SYNJ2BP: variants seen among roughly 807,000 people sequenced by gnomAD.
SYNJ2BP encodes the protein synaptojanin-2-binding protein.
SYNJ2BP carries 10 observed loss-of-function variants against 16.9 expected under a neutral mutation model. The ratio of observed to expected loss-of-function variants is 0.59; its 90% CI spans 0.36 to 1.00. SYNJ2BP has a LOEUF of 1.00. Ranked by LOEUF, SYNJ2BP falls within the 50% of genes least tolerant of loss-of-function variation. SYNJ2BP has a pLI of 0.01. For synonymous variants in SYNJ2BP, 54 were observed against 68.4 expected (o/e 0.79, Z 1.04); for missense variants, 162 against 186.7 (o/e 0.87, Z 0.77).
chr14:70,387,105 C>G (rs948781719), intron 2 of SYNJ2BP, among the ~76,000 whole-genome samples: 1 of 152,096 alleles, frequency 6.6e-6, no homozygotes, highest in Non-Finnish European at 1.5e-5. Flanking sequence ...TTAAGTCTAG[C>G]CCTTTGAAGC....
At chr14:70,373,277 T>G in intron 3 of SYNJ2BP, 146 bp from the exon 4 acceptor site, 2 of 1,088,248 alleles carry the variant, frequency 1.8e-6, no homozygotes, top group Non-Finnish European at 1.3e-6. Context: ...GAGTCCTCTC[T>G]TTGTCCTGAG....
chr14:70,407,544 AT>A (rs892005890), intron 1 of SYNJ2BP, among the ~76,000 whole-genome samples: 8 of 145,500 alleles, frequency 5.5e-5, no homozygotes, highest in South Asian at 2.2e-4. Context: ...CAAAAAAAAA[AT>A]TTGTTATAGT....
At position 70,368,115 on chromosome 14, in the gene SYNJ2BP, A is replaced by T. The variant is rs1030572965; in HGVS notation, c.*4876T>A. 6.6e-6 allele frequency: 1 copy of T among 152,144 alleles called. No homozygotes were observed. Among genetic ancestry groups the T allele is most frequent in the Non-Finnish European group, 1.5e-5 (1 of 68,026 alleles). The allele number at this position is 152,144 out of a possible 1,614,324, so 9.4% of individuals were successfully genotyped here. A position where few individuals can be genotyped will look rare whatever the true frequency, so the allele number is the denominator to read the frequency against. On this transcript the variant is annotated 3_prime_UTR_variant, in exon 4 of 4. Coordinates refer to ENST00000256366, the MANE Select transcript of SYNJ2BP (RefSeq NM_018373.3). Reference sequence around the variant, plus strand: ...TTCATTTCTTTAAATATACTTTAAAAATTGCTTATTTACACAATAAAAACA... The same window carrying T: ...TTCATTTCTTTAAATATACTTTAAATATTGCTTATTTACACAATAAAAACA...
At chr14:70,381,649 T>C (rs1887752492) in intron 2 of SYNJ2BP, among the ~76,000 whole-genome samples, 1 of 152,212 alleles carries the variant, frequency 6.6e-6, no homozygotes, top group Admixed American at 6.5e-5. Flanking sequence ...GTTCTCAAAG[T>C]GTGGTCCCAC....
rs71448320 is a variant in SYNJ2BP, at chr14:70,367,561, CAAAAAAAAAAAAAAAAAAA to C, written c.*5411_*5429del. ...TAGGCGACAGAGCAAGACTCCGTCT[CAAAAAAAAAAAAAAAAAAA>C]AAAAAAAGAAAAGAAAAGAATCTGG... is the stretch of plus-strand genomic sequence containing the variant. On this transcript the variant is annotated 3_prime_UTR_variant, in exon 4 of 4. Transcript: ENST00000256366. 2 of 36,950 alleles carry C rather than the reference CAAAAAAAAAAAAAAAAAAA, an allele frequency of 5.4e-5. No individual in the cohort carries two copies. The highest frequency in any genetic ancestry group is 1.3e-3 in the South Asian group (1 of 756). 2.3% of individuals were successfully genotyped at this position (36,950 alleles called of 1,614,324 possible).
intron 2 of SYNJ2BP, among the ~76,000 whole-genome samples, chr14:70,382,080 C>CA (rs1213449915): frequency 1.3e-5 from 2 of 151,864 alleles, no homozygotes; most frequent in Admixed American, 6.6e-5. Flanking sequence ...ACTAAAAATA[C>CA]AAAAAATTAG....
intron 1 of SYNJ2BP, among the ~76,000 whole-genome samples, chr14:70,399,586 T>C (rs1888189680): frequency 6.6e-6 from 1 of 150,756 alleles, no homozygotes; most frequent in Non-Finnish European, 1.5e-5. Context: ...ACCACTGCCA[T>C]TGCTGCTCCC....
At chr14:70,414,410 G>C (rs563984024) in intron 1 of SYNJ2BP, among the ~76,000 whole-genome samples, 1 of 152,258 alleles carries the variant, frequency 6.6e-6, no homozygotes, top group East Asian at 1.9e-4. Context: ...ATATTAGCTA[G>C]ATATAATTAT....
rs947615468 is a variant in SYNJ2BP, at chr14:70,368,906, G to A, written c.*4085C>T. 6.6e-6 allele frequency: 1 copy of A among 152,106 alleles called. No homozygotes were observed. Among genetic ancestry groups the A allele is most frequent in the Admixed American group, 6.6e-5 (1 of 15,258 alleles). The allele number at this position is 152,106 out of a possible 1,614,324, so 9.4% of individuals were successfully genotyped here. On this transcript the variant is annotated 3_prime_UTR_variant, in exon 4 of 4. Coordinates refer to ENST00000256366, the MANE Select transcript of SYNJ2BP (RefSeq NM_018373.3). ...ATTGATCTGTGTGCAGCCTGGGCAT[G>A]GGGACGTTTATAAGCTCTCCAGATG...
At chr14:70,415,285 C>T (rs944998108) in intron 1 of SYNJ2BP, among the ~76,000 whole-genome samples, 5 of 151,402 alleles carry the variant, frequency 3.3e-5, no homozygotes, top group African/African-American at 1.2e-4. Flanking sequence ...TGGCTCACAC[C>T]CGTAATCCCA....
At chr14:70,402,858 AACTCTAT>A (rs755702768) in intron 1 of SYNJ2BP, among the ~76,000 whole-genome samples, 1 of 152,126 alleles carries the variant, frequency 6.6e-6, no homozygotes, top group Non-Finnish European at 1.5e-5. Flanking sequence ...GCTACTTTGA[AACTCTAT>A]GTAAAATAAA....
chr14:70,400,203 T>C (rs1032188742), intron 1 of SYNJ2BP, among the ~76,000 whole-genome samples: 5 of 152,206 alleles, frequency 3.3e-5, no homozygotes, highest in Admixed American at 6.5e-5. Context: ...AAGACAACAA[T>C]TGTCTGTGAA....
intron 1 of SYNJ2BP, among the ~76,000 whole-genome samples, chr14:70,393,965 T>TAAAAA (rs71105707): frequency 7.4e-6 from 1 of 135,708 alleles, no homozygotes; most frequent in Non-Finnish European, 1.5e-5. Flanking sequence ...AACTTAAAAT[T>TAAAAA]AAAAAAAAAA....
At chr14:70,383,930 A>T (rs1887804176) in intron 2 of SYNJ2BP, among the ~76,000 whole-genome samples, 1 of 151,786 alleles carries the variant, frequency 6.6e-6, no homozygotes, top group Non-Finnish European at 1.5e-5. Context: ...TAAAAAATGA[A>T]ATTTCACTTT....
At chr14:70,394,106 G>C (rs1464033077) in intron 1 of SYNJ2BP, among the ~76,000 whole-genome samples, 2 of 151,414 alleles carry the variant, frequency 1.3e-5, no homozygotes, top group Non-Finnish European at 2.9e-5. Flanking sequence ...AGGTAACCAG[G>C]CTTGTAAAAA....
At chr14:70,380,941 G>T (rs1262810341) in intron 2 of SYNJ2BP, among the ~76,000 whole-genome samples, 2 of 152,140 alleles carry the variant, frequency 1.3e-5, no homozygotes, top group East Asian at 3.9e-4. Context: ...GCATTCTATT[G>T]TAACTTCAAC....
intron 1 of SYNJ2BP, among the ~76,000 whole-genome samples, chr14:70,411,806 G>A (rs1888478976): frequency 6.6e-6 from 1 of 152,116 alleles, no homozygotes; most frequent in Non-Finnish European, 1.5e-5. Context: ...CACTTCCTTT[G>A]CCCTCCCACT....
intron 1 of SYNJ2BP, among the ~76,000 whole-genome samples, chr14:70,396,121 C>CT (rs543793364): frequency 6.6e-6 from 1 of 151,930 alleles, no homozygotes; most frequent in Admixed American, 6.6e-5. Context: ...TCCTGCAATT[C>CT]TTTTTTTTAT....
At position 70,417,020 on chromosome 14, in the gene SYNJ2BP, G is replaced by C; in HGVS notation, c.-57C>G. 6 of 1,613,190 alleles carry C rather than the reference G, an allele frequency of 3.7e-6. No homozygotes were observed. Among genetic ancestry groups the C allele is most frequent in the Non-Finnish European group, 5.1e-6 (6 of 1,179,564 alleles). On this transcript the variant is annotated 5_prime_UTR_variant, in exon 1 of 4. Coordinates refer to ENST00000256366, the MANE Select transcript of SYNJ2BP (RefSeq NM_018373.3). ...TCAGCTGGAGTGCAGCACAGGTGAAGGTGAATCAATCTCGGCGCTGCGCCC... is the reference window on the plus strand; with the variant it reads ...TCAGCTGGAGTGCAGCACAGGTGAACGTGAATCAATCTCGGCGCTGCGCCC...
Sources: allele counts gnomAD v4.1 joint callset (sites outside exome capture counted in the v4.1 genomes callset), GRCh38; gene constraint gnomAD v4.1.1; transcripts MANE v1.5; gene names NCBI Gene and HGNC (gene_info 2026-07-23, HGNC 2026-07-21).